The following MACROH2A1 variants were observed in gnomAD, a reference collection of about 807,000 sequenced individuals.
MACROH2A1 encodes the protein core histone macro-H2A.1.
Under a neutral mutation model 31.6 loss-of-function variants are expected in MACROH2A1, and 2 were observed. The ratio of observed to expected loss-of-function variants is 0.06; its 90% CI spans 0.03 to 0.20. The LOEUF is 0.20. Among genes scored for constraint, MACROH2A1 ranks in the 10% least tolerant of loss-of-function variants. The pLI is 1.00. For synonymous variants in MACROH2A1, 169 were observed against 189.6 expected (o/e 0.89, Z 0.89); for missense variants, 230 against 474.0 (o/e 0.49, Z 4.78).
intron 2 of MACROH2A1, among the ~76,000 whole-genome samples, chr5:135,374,537 G>A (rs1026311811): frequency 6.6e-6 from 1 of 152,242 alleles, no homozygotes; most frequent in Non-Finnish European, 1.5e-5. Context: ...AGCAAGGAGG[G>A]CTTTCTCCTA....
chr5:135,387,683 A>T (rs1667304017), intron 2 of MACROH2A1, among the ~76,000 whole-genome samples: 1 of 152,190 alleles, frequency 6.6e-6, no homozygotes, highest in Non-Finnish European at 1.5e-5. Context: ...AACCCCAGAC[A>T]AGTCCTTTAT....
At chr5:135,338,951 A>G (rs1435198379) in intron 8 of MACROH2A1, among the ~76,000 whole-genome samples, 1 of 152,164 alleles carries the variant, frequency 6.6e-6, no homozygotes, top group East Asian at 1.9e-4. Flanking sequence ...TGCAGTGATG[A>G]CAATGGTGGT....
chr5:135,358,105 G>GTGTTAGTTT (rs1261198984), intron 5 of MACROH2A1: 1 of 984,250 alleles, frequency 1.0e-6, no homozygotes, highest in Non-Finnish European at 1.2e-6. Flanking sequence ...TTTTAAATGT[G>GTGTTAGTTT]CTTTTTGTAA....
At chr5:135,358,720 T>A (rs1193153021) in intron 5 of MACROH2A1, 1 of 934,506 alleles carries the variant, frequency 1.1e-6, no homozygotes, top group African/African-American at 1.8e-5. Flanking sequence ...TGTAATTTAT[T>A]ATAGAGTATC....
intron 8 of MACROH2A1, among the ~76,000 whole-genome samples, chr5:135,336,220 C>T (rs926036210): frequency 5.9e-5 from 9 of 152,222 alleles, no homozygotes; most frequent in Non-Finnish European, 8.8e-5. Context: ...CTGCTAGCTT[C>T]ACTCACTGCA....
rs187229053 is a variant in MACROH2A1, at chr5:135,337,009, C to A, written c.954-1868G>T. Among the ~76,000 whole-genome samples the A allele has an allele frequency of 7.2e-4, 109 of 152,326 alleles. 1 individual carries two copies. Among genetic ancestry groups the A allele is most frequent in the Admixed American group, 2.3e-3 (35 of 15,296 alleles). On this transcript the variant is annotated intron_variant, in intron 8 of 8. Coordinates refer to ENST00000511689, the MANE Select transcript of MACROH2A1 (RefSeq NM_138610.3). ...GCAGAGCCCAGTCTGTGGATGTGAC[C>A]TGGATCAACGGGGGCTGCAGGGTGC...
At chr5:135,343,461 CAG>C (rs1760266973) in intron 7 of MACROH2A1, 27 bp from the exon 8 acceptor site, 1 of 1,611,222 alleles carries the variant, frequency 6.2e-7, no homozygotes, top group Non-Finnish European at 8.5e-7. Flanking sequence ...GAAACAGAAA[CAG>C]TGAGCTCTGG....
intron 2 of MACROH2A1, among the ~76,000 whole-genome samples, chr5:135,372,503 G>C (rs372287061): frequency 9.2e-5 from 14 of 152,236 alleles, no homozygotes; most frequent in East Asian, 7.7e-4. Flanking sequence ...GATCGTGGTA[G>C]TGTCCCAATG....
chr5:135,346,437 G>A (rs987714720), intron 6 of MACROH2A1: 1 of 220,028 alleles, frequency 4.5e-6, no homozygotes, highest in Non-Finnish European at 9.1e-6. Context: ...GCCTGCCTTA[G>A]GTTTTCTTCT....
rs535201590 is a variant in MACROH2A1, at chr5:135,343,252, G to C, written c.953+8C>G. 19 of 1,613,800 alleles carry C rather than the reference G, an allele frequency of 1.2e-5. No homozygotes were observed. In the South Asian group the frequency reaches 2.0e-4, roughly 17 times the overall value. On this transcript the variant is annotated splice_region_variant and intron_variant, in intron 8 of 8. Coordinates refer to ENST00000511689, the MANE Select transcript of MACROH2A1 (RefSeq NM_138610.3). ...CATGACCGATACGTAACAAGCATGT[G>C]CCCCTACCTGCCGCTGCCGATGGAT...
chr5:135,353,568 C>A (rs931508741), intron 5 of MACROH2A1: 1 of 152,734 alleles, frequency 6.5e-6, no homozygotes, highest in Non-Finnish European at 1.5e-5. Context: ...CTGCCCTGCT[C>A]AGGGTGGCAA....
rs3822373 is a variant in MACROH2A1, at chr5:135,367,180, A to G, written c.477+2226T>C. Among the ~76,000 whole-genome samples the G allele has an allele frequency of 2.8e-4, 43 of 152,344 alleles. 1 individual carries two copies. The East Asian group carries it at 7.3e-3, about 26-fold the overall frequency. ...TTTTCAGAACATTCCACTTAAACCT[A>G]GAGATGCAGGCTTTTCTGCTGTTTC... On this transcript the variant is annotated intron_variant, in intron 4 of 8. Transcript: ENST00000511689.
At chr5:135,343,215 G>T (rs369964335) in intron 8 of MACROH2A1, 45 bp downstream of exon 8, 2 of 1,610,442 alleles carry the variant, frequency 1.2e-6, no homozygotes, top group Non-Finnish European at 8.5e-7. Context: ...TGTGTGCGCA[G>T]AGAGACACAC....
intron 2 of MACROH2A1, among the ~76,000 whole-genome samples, chr5:135,388,386 A>G (rs573368990): frequency 8.5e-4 from 130 of 152,322 alleles, no homozygotes; most frequent in East Asian, 2.5e-3. Flanking sequence ...AGCATCTCTG[A>G]TGCCATTCTC....
At position 135,398,146 on chromosome 5, in the gene MACROH2A1, A is replaced by G. The variant is rs1768276044; in HGVS notation, c.-34+916T>C. Among the ~76,000 whole-genome samples the G allele has an allele frequency of 6.6e-6, 1 of 152,134 alleles. No homozygotes were observed. Among genetic ancestry groups the G allele is most frequent in the African/African-American group, 2.4e-5 (1 of 41,410 alleles). Reference sequence around the variant, plus strand: ...TTCCCCTAACATCTTGTCTAAAAGAACCTTTCAAGCAATGTACTGACCAAC... The same window carrying G: ...TTCCCCTAACATCTTGTCTAAAAGAGCCTTTCAAGCAATGTACTGACCAAC... On this transcript the variant is annotated intron_variant, in intron 1 of 8. Transcript: ENST00000511689. This position sits in a 1 kb window ranked among gnomAD's most constrained non-coding sequence, Gnocchi z 4.6.
At chr5:135,342,551 C>G (rs1341451039) in intron 8 of MACROH2A1, among the ~76,000 whole-genome samples, 1 of 152,204 alleles carries the variant, frequency 6.6e-6, no homozygotes, top group East Asian at 1.9e-4. Flanking sequence ...CTAGACTTCT[C>G]CTGTGGTGGT....
chr5:135,371,843 C>T (rs898027646), intron 2 of MACROH2A1, among the ~76,000 whole-genome samples: 2 of 152,138 alleles, frequency 1.3e-5, no homozygotes, highest in East Asian at 3.9e-4. Flanking sequence ...CCAGCAACAC[C>T]AGCACTCAGA....
chr5:135,353,860 T>C (rs1345093822), intron 5 of MACROH2A1: 1 of 152,216 alleles, frequency 6.6e-6, no homozygotes. Context: ...ATGGCAACCC[T>C]GGCATCTGAG....
At chr5:135,394,346 TGC>T (rs147781238) in intron 1 of MACROH2A1, among the ~76,000 whole-genome samples, 1 of 152,340 alleles carries the variant, frequency 6.6e-6, no homozygotes, top group East Asian at 1.9e-4. Flanking sequence ...TCTGCATTCC[TGC>T]CATGGCCATG....
Sources: gnomAD v4.1 joint callset for allele counts (sites outside exome capture counted in the v4.1 genomes callset) on GRCh38, gnomAD v4.1.1 for gene constraint, Gnocchi (gnomAD v3.1) non-coding constraint, MANE v1.5 for transcripts, NCBI Gene and HGNC (gene_info 2026-07-23, HGNC 2026-07-21) for gene names.